RBM33: variants seen among roughly 807,000 people sequenced by gnomAD.
RBM33 encodes RNA binding motif protein 33.
A neutral mutation model predicts 132.6 loss-of-function variants in RBM33; 28 were observed. That is an observed-to-expected ratio of 0.21 (90% CI 0.16 to 0.29). The LOEUF (loss-of-function observed/expected upper bound fraction) is 0.29. Ranked by LOEUF, RBM33 falls within the 10% of genes least tolerant of loss-of-function variation. RBM33 has a pLI of 1.00. For synonymous variants in RBM33, 634 were observed against 593.0 expected, an observed-to-expected ratio of 1.07 and a Z score of -1.01; for missense variants, 1,291 against 1,518.5, an observed-to-expected ratio of 0.85 and a Z score of 2.49.
intron 6 of RBM33, among the ~76,000 whole-genome samples, chr7:155,705,498 C>G (rs1800087652): frequency 6.6e-6 from 1 of 152,074 alleles, no homozygotes; most frequent in Non-Finnish European, 1.5e-5. Context: ...ACCATATAAA[C>G]AATTTCAAGA....
chr7:155,666,652 T>C (rs187764953), intron 2 of RBM33, among the ~76,000 whole-genome samples: 4 of 152,362 alleles, frequency 2.6e-5, no homozygotes, highest in African/African-American at 9.6e-5. Flanking sequence ...AAGTGGGTCT[T>C]TCAATAGCTT....
chr7:155,747,407 A>G (rs957643250), intron 14 of RBM33, among the ~76,000 whole-genome samples: 4 of 152,156 alleles, frequency 2.6e-5, no homozygotes, highest in Admixed American at 2.0e-4. Flanking sequence ...TCCCATAGCA[A>G]CCAGAACTGG....
At chr7:155,682,660 A>G (rs1799368405) in intron 5 of RBM33, among the ~76,000 whole-genome samples, 1 of 152,222 alleles carries the variant, frequency 6.6e-6, no homozygotes, top group African/African-American at 2.4e-5. Context: ...AAACCGTGTC[A>G]TGAACATTGG....
intron 1 of RBM33, among the ~76,000 whole-genome samples, chr7:155,661,540 C>T (rs1006372991): frequency 1.3e-5 from 2 of 151,502 alleles, no homozygotes; most frequent in African/African-American, 2.4e-5. Context: ...CCCGAGTAGC[C>T]GGGATTACAG....
intron 4 of RBM33, among the ~76,000 whole-genome samples, chr7:155,680,114 G>GA (rs1799296672): frequency 6.6e-6 from 1 of 152,080 alleles, no homozygotes; most frequent in Non-Finnish European, 1.5e-5. Flanking sequence ...ACAGATGTAA[G>GA]AAAAAAATTG....
chr7:155,701,961 C>T (rs1799979264), intron 6 of RBM33, among the ~76,000 whole-genome samples: 1 of 152,170 alleles, frequency 6.6e-6, no homozygotes, highest in African/African-American at 2.4e-5. Context: ...GCTGGGATTA[C>T]AGGCGTGAGC....
At chr7:155,727,061 T>G (rs1222867023) in intron 9 of RBM33, among the ~76,000 whole-genome samples, 1 of 152,252 alleles carries the variant, frequency 6.6e-6, no homozygotes, top group African/African-American at 2.4e-5. Context: ...AGGCTGCGTT[T>G]AACAGAAAAC....
At chr7:155,755,699 A>G (rs1018621024) in intron 14 of RBM33, among the ~76,000 whole-genome samples, 1 of 152,222 alleles carries the variant, frequency 6.6e-6, no homozygotes, top group African/African-American at 2.4e-5. Flanking sequence ...TTTAAGAGTG[A>G]AAATAAGATT....
chr7:155,674,340 C>T (rs1037659418), intron 3 of RBM33, among the ~76,000 whole-genome samples: 1 of 152,038 alleles, frequency 6.6e-6, no homozygotes, highest in African/African-American at 2.4e-5. Context: ...TTTTTATACT[C>T]TATTGGGGAA....
chr7:155,696,147 C>G (rs1414726596), intron 5 of RBM33, among the ~76,000 whole-genome samples: 1 of 152,142 alleles, frequency 6.6e-6, no homozygotes, highest in Non-Finnish European at 1.5e-5. Context: ...ACTATACAGT[C>G]TTGATTACTG....
At position 155,709,247 on chromosome 7, in the gene RBM33, C is replaced by T. The variant is rs545847563; in HGVS notation, c.949-1956C>T. Among the ~76,000 whole-genome samples the T allele has an allele frequency of 5.3e-5, 8 of 152,176 alleles. No homozygotes were observed. The South Asian group carries it at 1.7e-3, about 32-fold the overall frequency. On this transcript the variant is annotated intron_variant, in intron 7 of 17. Coordinates refer to ENST00000401878, the MANE Select transcript of RBM33 (RefSeq NM_053043.3). ...GCATATGTTTATGAGGTACAGTGCA[C>T]TGTTACAGTATGTATATGTTGTGGA...
At chr7:155,730,243 G>T (rs1388323779) in intron 9 of RBM33, among the ~76,000 whole-genome samples, 1 of 152,192 alleles carries the variant, frequency 6.6e-6, no homozygotes, top group Admixed American at 6.5e-5. Flanking sequence ...GAGTTTCTAG[G>T]ACTTGCTGGT....
chr7:155,773,557 G>C (rs894017594), intron 16 of RBM33, among the ~76,000 whole-genome samples: 2 of 109,764 alleles, frequency 1.8e-5, no homozygotes, highest in Non-Finnish European at 3.3e-5. Context: ...AACAGTGCGA[G>C]ACTCCATCTC....
chr7:155,686,621 C>T (rs1390654036), intron 5 of RBM33, among the ~76,000 whole-genome samples: 4 of 151,868 alleles, frequency 2.6e-5, no homozygotes, highest in East Asian at 1.9e-4. Flanking sequence ...TAATGCTGTC[C>T]CTCCCCGCTC....
In RBM33 at chr7:155,645,114, G is replaced by A. The variant is rs1050180275; in HGVS notation, c.43+195G>A. On this transcript the variant is annotated intron_variant, in intron 1 of 17. Coordinates refer to ENST00000401878, the MANE Select transcript of RBM33 (RefSeq NM_053043.3). Reference sequence around the variant, plus strand: ...CCCTTTCTCGCTCCTCCTCTCCGCTGTGCAGATCGTACTTACCTGTGAACT... The same window carrying A: ...CCCTTTCTCGCTCCTCCTCTCCGCTATGCAGATCGTACTTACCTGTGAACT... The A allele has an allele frequency of 1.2e-5, 6 of 497,350 alleles. No individual in the cohort carries two copies. The Admixed American group carries it at 1.7e-4, about 14-fold the overall frequency. The allele number at this position is 497,350 out of a possible 1,614,324, so 30.8% of individuals were successfully genotyped here.
At chr7:155,679,592 A>G (rs1435204850) in intron 4 of RBM33, among the ~76,000 whole-genome samples, 2 of 152,260 alleles carry the variant, frequency 1.3e-5, no homozygotes, top group East Asian at 3.8e-4. Context: ...TAATTAACAA[A>G]TATATGCCAT....
At chr7:155,666,251 C>CT (rs1400506116) in intron 2 of RBM33, among the ~76,000 whole-genome samples, 1 of 152,200 alleles carries the variant, frequency 6.6e-6, no homozygotes, top group Non-Finnish European at 1.5e-5. Context: ...ATGGAAGTCC[C>CT]TATCTGAGCC....
Position 155,763,784 on chromosome 7 carries a change from C to T in RBM33, c.2980-28C>T, listed in dbSNP as rs755606197. The T allele has an allele frequency of 8.2e-6, 13 of 1,589,282 alleles. No homozygotes were observed. In the African/African-American group the frequency reaches 1.5e-4, roughly 18 times the overall value. On this transcript the variant is annotated intron_variant, in intron 14 of 17. Transcript: ENST00000401878. ...AGCTTTTGGTGGAGCAGACACTGAA[C>T]AACGTGCTGCCTTCTTGGTTTCAGC... is the stretch of plus-strand genomic sequence containing the variant.
At position 155,745,772 on chromosome 7, in the gene RBM33, C is replaced by T; in HGVS notation, c.2979+170C>T. 1 of 655,328 alleles carries T rather than the reference C, an allele frequency of 1.5e-6. No individual in the cohort carries two copies. The highest frequency in any genetic ancestry group is 2.6e-6 in the Non-Finnish European group (1 of 388,958). 40.6% of individuals were successfully genotyped at this position (655,328 alleles called of 1,614,324 possible). On this transcript the variant is annotated intron_variant, in intron 14 of 17. Coordinates refer to ENST00000401878, the MANE Select transcript of RBM33 (RefSeq NM_053043.3). The surrounding 1 kb of genome is among the most constrained non-coding windows in gnomAD (Gnocchi z 4.1). Reference sequence around the variant, plus strand: ...ATAAGAATTGCCGCTTGACGACAGGCATACATTCTCAGAAATGTGTTGTTA... The same window carrying T: ...ATAAGAATTGCCGCTTGACGACAGGTATACATTCTCAGAAATGTGTTGTTA...
Sources: gnomAD v4.1 joint callset for allele counts (sites outside exome capture counted in the v4.1 genomes callset) on GRCh38, gnomAD v4.1.1 for gene constraint, Gnocchi (gnomAD v3.1) non-coding constraint, MANE v1.5 for transcripts, NCBI Gene and HGNC (gene_info 2026-07-23, HGNC 2026-07-21) for gene names.